Variants in DLEC1 observed in about 807,000 individuals in gnomAD.
DLEC1 encodes DLEC1 cilia and flagella associated protein.
DLEC1 carries 146 observed loss-of-function variants against 198.1 expected under a neutral mutation model. That is an observed-to-expected ratio of 0.74 (90% CI 0.64 to 0.85). The LOEUF (loss-of-function observed/expected upper bound fraction) is 0.85. Ranked by LOEUF, DLEC1 falls within the 40% of genes least tolerant of loss-of-function variation. DLEC1 has a pLI of 0.00. For synonymous variants in DLEC1, 897 were observed against 866.8 expected (o/e 1.03, Z -0.61); for missense variants, 2,233 against 2,220.0 (o/e 1.01, Z -0.12).
At position 38,112,384 on chromosome 3, in the gene DLEC1, T is replaced by C. The variant is rs763120496; in HGVS notation, c.3666+23T>C. On this transcript the variant is annotated intron_variant, in intron 25 of 36. Coordinates refer to ENST00000308059, the MANE Select transcript of DLEC1 (RefSeq NM_007335.4). This position sits in a 1 kb window ranked among gnomAD's most constrained non-coding sequence, Gnocchi z 4.8. ...ACGGTAAGGGTACACAAGAGGGCAGTGGCCTGGGGGGTGGAGAGTCTGCCC... is the reference window on the plus strand; with the variant it reads ...ACGGTAAGGGTACACAAGAGGGCAGCGGCCTGGGGGGTGGAGAGTCTGCCC... 6.2e-7 allele frequency: 1 copy of C among 1,610,756 alleles called. No homozygotes were observed. Among genetic ancestry groups the C allele is most frequent in the Non-Finnish European group, 8.5e-7 (1 of 1,177,294 alleles).
intron 5 of DLEC1, 100 bp downstream of exon 5, chr3:38,062,901 TG>T (rs1309651128): frequency 7.9e-6 from 10 of 1,266,952 alleles, no homozygotes; most frequent in Non-Finnish European, 9.8e-6. Context: ...CCTAGACTTG[TG>T]GGGCAGGGTA....
chr3:38,059,098 C>T (rs191001166), intron 2 of DLEC1, among the ~76,000 whole-genome samples: 144 of 152,288 alleles, frequency 9.5e-4, no homozygotes, highest in Non-Finnish European at 1.6e-3. Context: ...TTTTCTCTCT[C>T]CTGTATCTGC....
intron 31 of DLEC1, 41 bp from the exon 32 acceptor site, chr3:38,117,486 C>G (rs761913163): frequency 1.2e-6 from 2 of 1,613,278 alleles, no homozygotes; most frequent in Non-Finnish European, 1.7e-6. Flanking sequence ...CAGAAGGCCC[C>G]AGGCGCCCGG....
intron 2 of DLEC1, among the ~76,000 whole-genome samples, chr3:38,049,176 G>T (rs1239642347): frequency 1.3e-5 from 2 of 151,988 alleles, no homozygotes; most frequent in Non-Finnish European, 2.9e-5. Context: ...ACCCAAGAAT[G>T]ATATTAAGTT....
At chr3:38,048,189 T>C (rs1200207656) in intron 2 of DLEC1, among the ~76,000 whole-genome samples, 3 of 152,238 alleles carry the variant, frequency 2.0e-5, no homozygotes, top group African/African-American at 7.2e-5. Flanking sequence ...TGGTGAGATG[T>C]TCCAGGCCAT....
At chr3:38,056,814 A>G (rs1696396405) in intron 2 of DLEC1, among the ~76,000 whole-genome samples, 1 of 152,254 alleles carries the variant, frequency 6.6e-6, no homozygotes, top group Non-Finnish European at 1.5e-5. Context: ...GGAGTCAACA[A>G]GAAGGTGGCA....
chr3:38,042,358 T>C (rs921439288), intron 1 of DLEC1, among the ~76,000 whole-genome samples: 3 of 152,162 alleles, frequency 2.0e-5, no homozygotes, highest in Non-Finnish European at 2.9e-5. Flanking sequence ...TTTTATAATA[T>C]ATATGCATGG....
In DLEC1 at chr3:38,121,701, G is replaced by A. The variant is rs1227703819; in HGVS notation, c.4940G>A (p.Cys1647Tyr). The change falls in exon 35 of 37, where the codon TGC becomes TAC. Residue 1647 changes from cysteine to tyrosine, a missense_variant. Coordinates refer to ENST00000308059, the MANE Select transcript of DLEC1 (RefSeq NM_007335.4). ...LSTSWVDFGT[C>Y]FVSQQRVREV... ...ACCAGCTGGGTGGACTTTGGGACCTGCTTTGTGAGCCAGCAGCGAGTCCGG... is the reference window on the plus strand; with the variant it reads ...ACCAGCTGGGTGGACTTTGGGACCTACTTTGTGAGCCAGCAGCGAGTCCGG... 3.1e-6 allele frequency: 5 copies of A among 1,613,990 alleles called. No individual in the cohort carries two copies. The highest frequency in any genetic ancestry group is 1.1e-5 in the South Asian group (1 of 91,094).
chr3:38,121,556 G>C (rs989458659), intron 34 of DLEC1, 72 bp from the exon 35 acceptor site: 1 of 1,544,806 alleles, frequency 6.5e-7, no homozygotes, highest in Non-Finnish European at 8.7e-7. Context: ...GGGGTCAGCA[G>C]GGTTCTGTGT....
chr3:38,043,604 C>T (rs1449601076), intron 1 of DLEC1, among the ~76,000 whole-genome samples: 1 of 152,194 alleles, frequency 6.6e-6, no homozygotes. Flanking sequence ...TATTTGTATC[C>T]TTGCCAGGCC....
intron 6 of DLEC1, among the ~76,000 whole-genome samples, chr3:38,069,137 G>A (rs536089961): frequency 6.6e-6 from 1 of 152,272 alleles, no homozygotes; most frequent in South Asian, 2.1e-4. Context: ...GGAAATGGCA[G>A]GATGGGGCCA....
In DLEC1 at chr3:38,052,323, G is replaced by A; in HGVS notation, c.562+6630G>A. 5 of 382,884 alleles carry A rather than the reference G, an allele frequency of 1.3e-5. No individual in the cohort carries two copies. In the East Asian group the frequency reaches 1.9e-4, roughly 14 times the overall value. 23.7% of individuals were successfully genotyped at this position (382,884 alleles called of 1,614,324 possible). ...GACCACACCGGGACCACGAGTACCT[G>A]CACAGCAAGCTCTGCTTTCTCTATG... On this transcript the variant is annotated intron_variant, in intron 2 of 36. Transcript: ENST00000308059.
chr3:38,122,274 A>C lies in DLEC1; in HGVS notation c.5145-15A>C. On this transcript the variant is annotated splice_polypyrimidine_tract_variant and intron_variant, in intron 36 of 36. Coordinates refer to ENST00000308059, the MANE Select transcript of DLEC1 (RefSeq NM_007335.4). ...CAGGTGCCTCCTAACCTCAGCCCCC[A>C]CATGCTCCCCACAGGAGTAGTGAGC... 1 of 1,608,332 alleles carries C rather than the reference A, an allele frequency of 6.2e-7. No individual in the cohort carries two copies. The highest frequency in any genetic ancestry group is 8.5e-7 in the Non-Finnish European group (1 of 1,175,860).
At chr3:38,096,797 T>C in intron 15 of DLEC1, 60 bp downstream of exon 15, 2 of 1,524,462 alleles carry the variant, frequency 1.3e-6, no homozygotes, top group East Asian at 2.3e-5. Flanking sequence ...TGAGTGCAAG[T>C]GTAGGGAGGA....
intron 2 of DLEC1, among the ~76,000 whole-genome samples, chr3:38,046,387 C>T (rs1034165766): frequency 1.3e-5 from 2 of 152,114 alleles, no homozygotes; most frequent in Non-Finnish European, 2.9e-5. Context: ...TTTTCCCTTG[C>T]TATTCTCATG....
chr3:38,075,716 T>C (rs9866340), intron 6 of DLEC1, among the ~76,000 whole-genome samples: 63,540 of 151,128 alleles, frequency 0.42, 13,890 homozygotes, highest in East Asian at 0.59. Context: ...AATAAGGGAT[T>C]GGGGCACAGG....
In DLEC1 at chr3:38,123,511, A is replaced by C. The variant is rs938101507; in HGVS notation, c.*1099A>C. ...AAAATCCTGAAAATCACAATCCTAAAAGATCAAAATCCTGAAAATATAATT... is the reference window on the plus strand; with the variant it reads ...AAAATCCTGAAAATCACAATCCTAACAGATCAAAATCCTGAAAATATAATT... On this transcript the variant is annotated 3_prime_UTR_variant, in exon 37 of 37. Transcript: ENST00000308059. 4 of 178,906 alleles carry C rather than the reference A, an allele frequency of 2.2e-5. No individual in the cohort carries two copies. The highest frequency in any genetic ancestry group is 3.5e-5 in the Non-Finnish European group (3 of 85,120). 11.1% of individuals were successfully genotyped at this position (178,906 alleles called of 1,614,324 possible).
chr3:38,122,521 TCTGGGCAGCTC>T lies in DLEC1; in HGVS notation c.*114_*124del, dbSNP rs770279304. The T allele has an allele frequency of 6.2e-7, 1 of 1,611,862 alleles. No individual in the cohort carries two copies. The highest frequency in any genetic ancestry group is 8.5e-7 in the Non-Finnish European group (1 of 1,179,526). On this transcript the variant is annotated 3_prime_UTR_variant, in exon 37 of 37. Coordinates refer to ENST00000308059, the MANE Select transcript of DLEC1 (RefSeq NM_007335.4). The stretch of plus-strand genomic sequence containing the variant: ...ACACAGACTTGGGGACCTGGGGACC[TCTGGGCAGCTC>T]CTGGAATGGAAGAACCCCCTTCCAC...
At chr3:38,122,012 T>C in intron 35 of DLEC1, 59 bp from the exon 36 acceptor site, 3 of 1,599,120 alleles carry the variant, frequency 1.9e-6, no homozygotes, top group Non-Finnish European at 2.6e-6. Context: ...GGTAAAGTCT[T>C]CCTGTGGGAG....
Sources: allele counts gnomAD v4.1 joint callset (sites outside exome capture counted in the v4.1 genomes callset), GRCh38; gene constraint gnomAD v4.1.1; non-coding constraint Gnocchi (gnomAD v3.1); transcripts MANE v1.5; gene names NCBI Gene and HGNC (gene_info 2026-07-23, HGNC 2026-07-21).